KRT79: variants seen among roughly 807,000 people sequenced by gnomAD.
The protein encoded by KRT79 is keratin, type II cytoskeletal 79.
Under a neutral mutation model 49.0 loss-of-function variants are expected in KRT79, and 51 were observed. The ratio of observed to expected loss-of-function variants is 1.04; its 90% CI spans 0.83 to 1.31. The LOEUF is 1.31. Ranked by LOEUF, KRT79 falls within the 40% of genes most tolerant of loss-of-function variation. KRT79 has a pLI of 0.00. For synonymous variants in KRT79, 312 were observed against 286.6 expected, an observed-to-expected ratio of 1.09 and a Z score of -0.90; for missense variants, 728 against 688.0, an observed-to-expected ratio of 1.06 and a Z score of -0.65.
chr12:52,831,772 C>A, intron 1 of KRT79, 146 bp from the exon 2 acceptor site: 1 of 643,806 alleles, frequency 1.6e-6, no homozygotes, highest in Non-Finnish European at 2.7e-6. Flanking sequence ...GGGAGGCACT[C>A]CTTAGGGGAA....
chr12:52,823,253 G>A lies in KRT79; in HGVS notation c.1147-17C>T. 1 of 1,609,732 alleles carries A rather than the reference G, an allele frequency of 6.2e-7. No homozygotes were observed. The highest frequency in any genetic ancestry group is 8.5e-7 in the Non-Finnish European group (1 of 1,176,440). ...CTGCTGACACTGCCCAGGGGAGAAAGGTGTTGGAAGCACCCTCCGGGGTCA... is the reference window on the plus strand; with the variant it reads ...CTGCTGACACTGCCCAGGGGAGAAAAGTGTTGGAAGCACCCTCCGGGGTCA... On this transcript the variant is annotated splice_polypyrimidine_tract_variant and intron_variant, in intron 6 of 8. Coordinates refer to ENST00000330553, the MANE Select transcript of KRT79 (RefSeq NM_175834.3).
At chr12:52,832,796 G>A (rs189497968) in intron 1 of KRT79, among the ~76,000 whole-genome samples, 13 of 152,198 alleles carry the variant, frequency 8.5e-5, no homozygotes, top group East Asian at 7.7e-4. Flanking sequence ...TCCCAGTCCC[G>A]CCTCTGCCTC....
intron 1 of KRT79, 32 bp downstream of exon 1, chr12:52,833,752 A>C: frequency 6.4e-7 from 1 of 1,568,982 alleles, no homozygotes; most frequent in Non-Finnish European, 8.8e-7. Context: ...TTCTTCCCCA[A>C]GAGCTCCCTT....
chr12:52,825,654 T>C (rs1390592765), intron 4 of KRT79, among the ~76,000 whole-genome samples: 1 of 152,212 alleles, frequency 6.6e-6, no homozygotes, highest in Non-Finnish European at 1.5e-5. Flanking sequence ...CTGATGTAGA[T>C]GTAGATTGTT....
chr12:52,821,759 G>T lies in KRT79; in HGVS notation c.*113C>A. ...AAATAGTCTGGTATGAAAATACCCT[G>T]GGTCTGAGGTCCCCTGGCTGTTCCT... On this transcript the variant is annotated 3_prime_UTR_variant, in exon 9 of 9. Transcript: ENST00000330553. 1 of 893,686 alleles carries T rather than the reference G, an allele frequency of 1.1e-6. No homozygotes were observed. The highest frequency in any genetic ancestry group is 2.6e-5 in the East Asian group (1 of 37,860). The allele number at this position is 893,686 out of a possible 1,614,324, so 55.4% of individuals were successfully genotyped here. A position where few individuals can be genotyped will look rare whatever the true frequency, so the allele number is the denominator to read the frequency against.
chr12:52,823,759 C>A, intron 6 of KRT79, 128 bp downstream of exon 6: 1 of 1,100,558 alleles, frequency 9.1e-7, no homozygotes, highest in Non-Finnish European at 1.3e-6. Context: ...GTAAAAGGAG[C>A]CTGTGATCAA....
rs775985976 is a variant in KRT79 at position 52,834,135 on chromosome 12, A to G, written c.126T>C (p.Ser42=). ...CACAGTGGGCCCCGCCACCACTGCCACTGCTCCGAGACACCGTCACTGAGC... is the reference window on the plus strand; with the variant it reads ...CACAGTGGGCCCCGCCACCACTGCCGCTGCTCCGAGACACCGTCACTGAGC... ...SFSSVTVSRS[S]GSGGGAHCGP... is the part of the protein sequence containing the mutation. The change falls in exon 1 of 9, where the codon AGT becomes AGC. Residue 42 remains serine (S), a synonymous_variant. Transcript: ENST00000330553. 3 of 1,613,272 alleles carry G rather than the reference A, an allele frequency of 1.9e-6. No homozygotes were observed. The highest frequency in any genetic ancestry group is 1.1e-5 in the South Asian group (1 of 91,056).
At chr12:52,822,473 T>A in intron 7 of KRT79, 94 bp from the exon 8 acceptor site, 2 of 817,604 alleles carry the variant, frequency 2.4e-6, no homozygotes, top group Non-Finnish European at 3.9e-6. Flanking sequence ...TTGGATCCAC[T>A]CAGTGAATCC....
At chr12:52,831,385 C>G in intron 2 of KRT79, 21 bp downstream of exon 2, 1 of 1,611,484 alleles carries the variant, frequency 6.2e-7, no homozygotes, top group South Asian at 1.1e-5. Context: ...CACATGGCCC[C>G]GCCTGGCCTG....
At position 52,834,142 on chromosome 12, in the gene KRT79, C is replaced by T. The variant is rs373385213; in HGVS notation, c.119G>A (p.Arg40Gln). Reference protein sequence around the residue: ...RTSFSSVTVSRSSGSGGGAHC... With the variant: ...RTSFSSVTVSQSSGSGGGAHC... ...GGCCCCGCCACCACTGCCACTGCTC[C>T]GAGACACCGTCACTGAGCTGAAGCT... The change falls in exon 1 of 9, where the codon CGG becomes CAG. Residue 40 changes from arginine to glutamine, a missense_variant. Arg to Gln is a conservative substitution (Grantham distance 43). Transcript: ENST00000330553. The T allele has an allele frequency of 6.9e-5, 111 of 1,613,506 alleles. No individual in the cohort carries two copies. Among genetic ancestry groups the T allele is most frequent in the East Asian group, 1.1e-4 (5 of 44,840 alleles).
rs1362558053 is a variant in KRT79 at position 52,830,017 on chromosome 12, C to A, written c.855+6G>T. On this transcript the variant is annotated splice_donor_region_variant and intron_variant, in intron 4 of 8. Coordinates refer to ENST00000330553, the MANE Select transcript of KRT79 (RefSeq NM_175834.3). ...GCAAACTCTCCCTGCCCATTGGCCA[C>A]CTCACCATTTCATAGAGTTGCTGCA... The A allele has an allele frequency of 6.2e-7, 1 of 1,613,862 alleles. No homozygotes were observed. The highest frequency in any genetic ancestry group is 1.7e-5 in the Admixed American group (1 of 60,032).
intron 4 of KRT79, 135 bp from the exon 5 acceptor site, chr12:52,824,497 A>C: frequency 1.2e-6 from 1 of 802,340 alleles, no homozygotes; most frequent in Non-Finnish European, 1.9e-6. Flanking sequence ...AGAGCAAAGT[A>C]AGGAAAACTG....
chr12:52,828,535 C>T (rs1451954901), intron 4 of KRT79, among the ~76,000 whole-genome samples: 11 of 152,138 alleles, frequency 7.2e-5, no homozygotes, highest in Admixed American at 6.5e-4. Flanking sequence ...TACTAAGAGC[C>T]CACATAGCTT....
In KRT79 at chr12:52,824,274, A is replaced by T; in HGVS notation, c.944T>A (p.Ile315Asn). ...NNRNLDLDSI[I>N]AEVKAQYELI... ...CTCATACTGGGCCTTGACCTCGGCG[A>T]TGATGCTGTCCAGGTCCAGGTTGCG... The change falls in exon 5 of 9, where the codon ATC (isoleucine) becomes AAC (asparagine). Residue 315 changes from isoleucine to asparagine, a missense_variant. Transcript: ENST00000330553. The T allele has an allele frequency of 6.2e-7, 1 of 1,614,170 alleles. No individual in the cohort carries two copies. Among genetic ancestry groups the T allele is most frequent in the Non-Finnish European group, 8.5e-7 (1 of 1,180,032 alleles).
At position 52,833,632 on chromosome 12, in the gene KRT79, C is replaced by T. The variant is rs113478637; in HGVS notation, c.477+152G>A. The T allele has an allele frequency of 9.9e-4, 720 of 725,386 alleles. 4 individuals carry two copies. The African/African-American group carries it at 0.011, about 11-fold the overall frequency. The allele number at this position is 725,386 out of a possible 1,614,324, so 44.9% of individuals were successfully genotyped here. A position where few individuals can be genotyped will look rare whatever the true frequency, so the allele number is the denominator to read the frequency against. On this transcript the variant is annotated intron_variant, in intron 1 of 8. Coordinates refer to ENST00000330553, the MANE Select transcript of KRT79 (RefSeq NM_175834.3). ...AGGCCGCCTCCAGCCACCCACGTCT[C>T]GGCATCCCAGGCTCAGACCGGGAGA...
Position 52,822,343 on chromosome 12 carries a change from A to C in KRT79, c.1402+2T>G. 1 of 1,606,708 alleles carries C rather than the reference A, an allele frequency of 6.2e-7. No homozygotes were observed. Among genetic ancestry groups the C allele is most frequent in the East Asian group, 2.2e-5 (1 of 44,804 alleles). ...AGCAGGAAGTGGGGAGTAAATACTCACAAATGCTGACTGCACTGGGACATT... is the reference window on the plus strand; with the variant it reads ...AGCAGGAAGTGGGGAGTAAATACTCCCAAATGCTGACTGCACTGGGACATT... On this transcript the variant is annotated splice_donor_variant, in intron 8 of 8. Transcript: ENST00000330553. LOFTEE classifies it high-confidence loss of function.
chr12:52,824,459 GC>G, intron 4 of KRT79, 97 bp from the exon 5 acceptor site: 1 of 1,263,016 alleles, frequency 7.9e-7, no homozygotes, highest in Non-Finnish European at 1.1e-6. Context: ...GCATCAGGAG[GC>G]CTGTGCTCTT....
rs371852565 is a variant in KRT79, at chr12:52,834,172, C to A, written c.89G>T (p.Arg30Leu). 3 of 1,613,692 alleles carry A rather than the reference C, an allele frequency of 1.9e-6. No homozygotes were observed. The highest frequency in any genetic ancestry group is 2.5e-6 in the Non-Finnish European group (3 of 1,179,920). ...SASGGSGSQA[R>L]TSFSSVTVSR... is the part of the protein sequence containing the mutation. The stretch of plus-strand genomic sequence containing the variant: ...CACCGTCACTGAGCTGAAGCTGGTG[C>A]GGGCCTGGGACCCACTCCCTCCGCT... Residue 30 changes from arginine (R) to leucine (L), a missense_variant, in exon 1 of 9, where the codon CGC becomes CTC. By Grantham distance (102) the Arg-to-Leu change is moderately radical. Transcript: ENST00000330553.
Position 52,833,956 on chromosome 12 carries a change from C to T in KRT79, c.305G>A (p.Arg102Lys). The T allele has an allele frequency of 6.2e-7, 1 of 1,613,388 alleles. No individual in the cohort carries two copies. Among genetic ancestry groups the T allele is most frequent in the South Asian group, 1.1e-5 (1 of 91,022 alleles). The change falls in exon 1 of 9, where the codon AGG becomes AAG. Residue 102 changes from arginine (R) to lysine (K), a missense_variant. Physicochemically the swap from Arg to Lys is conservative, Grantham distance 26. Coordinates refer to ENST00000330553, the MANE Select transcript of KRT79 (RefSeq NM_175834.3). ...SRAFMGQGAG[R>K]QTFGPACPPG... ...AGGACAAGCAGGCCCAAACGTCTGC[C>T]TGCCAGCCCCCTGTCCCATAAATGC...
Sources: allele counts gnomAD v4.1 joint callset (sites outside exome capture counted in the v4.1 genomes callset), GRCh38; gene constraint gnomAD v4.1.1; transcripts MANE v1.5; gene names NCBI Gene and HGNC (gene_info 2026-07-23, HGNC 2026-07-21).